The following SGCZ variants were observed in gnomAD, a reference collection of about 807,000 sequenced individuals.
The protein encoded by SGCZ is zeta-sarcoglycan.
SGCZ carries 40 observed loss-of-function variants against 41.3 expected under a neutral mutation model. The ratio of observed to expected loss-of-function variants is 0.97; its 90% confidence interval spans 0.75 to 1.26. The LOEUF (loss-of-function observed/expected upper bound fraction) is 1.26, where lower values mean the gene tolerates loss of function less well. SGCZ is among the 50% of genes most tolerant of loss of function. The pLI, the probability that SGCZ is intolerant of heterozygous loss-of-function variation, is 0.00. For missense variants in SGCZ, 552 were observed against 369.8 expected, an observed-to-expected ratio of 1.49 and a Z score of -4.04; for synonymous variants, 206 against 137.5, an observed-to-expected ratio of 1.50 and a Z score of -3.49.
intron 1 of SGCZ, among the ~76,000 whole-genome samples, chr8:14,771,484 A>G (rs780562149): frequency 2.6e-5 from 4 of 152,152 alleles, no homozygotes; most frequent in Non-Finnish European, 5.9e-5. Flanking sequence ...TTGAATTACC[A>G]TATCAGTTTT....
At chr8:14,247,510 T>C (rs1388979921) in intron 3 of SGCZ, among the ~76,000 whole-genome samples, 1 of 152,160 alleles carries the variant, frequency 6.6e-6, no homozygotes, top group African/African-American at 2.4e-5. Flanking sequence ...AGGAAACAAA[T>C]GCTTCTAGAC....
chr8:15,221,303 C>T (rs1256732321), intron 1 of SGCZ, among the ~76,000 whole-genome samples: 1 of 152,044 alleles, frequency 6.6e-6, no homozygotes, highest in Non-Finnish European at 1.5e-5. Flanking sequence ...ACTAAACTAA[C>T]ATGGGAGTGG....
rs140180183 is a variant in SGCZ, at chr8:14,550,066, G to A, written c.234+4666C>T. The stretch of plus-strand genomic sequence containing the variant: ...AACCTAGAGAAACTCTTGTACTTGT[G>A]CAAATGTAATGACCAACACCGACAT... On this transcript the variant is annotated intron_variant, in intron 2 of 7. Transcript: ENST00000382080. 5.2e-4 allele frequency among the ~76,000 whole-genome samples: 79 copies of A among 152,022 alleles called. No individual in the cohort carries two copies. In the East Asian group the frequency reaches 0.015, roughly 28 times the overall value.
intron 1 of SGCZ, among the ~76,000 whole-genome samples, chr8:14,717,027 G>A (rs1280984807): frequency 6.6e-6 from 1 of 152,002 alleles, no homozygotes; most frequent in East Asian, 1.9e-4. Flanking sequence ...AAAATCCACT[G>A]AGAAACTACA....
chr8:14,658,733 T>C (rs1435840213), intron 1 of SGCZ, among the ~76,000 whole-genome samples: 1 of 152,156 alleles, frequency 6.6e-6, no homozygotes, highest in Non-Finnish European at 1.5e-5. Context: ...TAATTTCACC[T>C]GTTTGTGTAT....
At chr8:14,745,717 T>G (rs1020921309) in intron 1 of SGCZ, among the ~76,000 whole-genome samples, 1 of 152,170 alleles carries the variant, frequency 6.6e-6, no homozygotes, top group African/African-American at 2.4e-5. Context: ...GTATGAAATT[T>G]AACCGAGCTA....
At chr8:15,061,881 A>G (rs867064748) in intron 1 of SGCZ, among the ~76,000 whole-genome samples, 2 of 152,314 alleles carry the variant, frequency 1.3e-5, no homozygotes, top group East Asian at 3.9e-4. Flanking sequence ...AGCCGTAACA[A>G]TGGAAATTTC....
intron 2 of SGCZ, among the ~76,000 whole-genome samples, chr8:14,470,583 T>A (rs1433260271): frequency 6.6e-6 from 1 of 152,118 alleles, no homozygotes; most frequent in Non-Finnish European, 1.5e-5. Flanking sequence ...AAAAATCATG[T>A]TTAGGAAATG....
chr8:14,709,783 G>A (rs145388066), intron 1 of SGCZ, among the ~76,000 whole-genome samples: 1 of 152,194 alleles, frequency 6.6e-6, no homozygotes, highest in African/African-American at 2.4e-5. Flanking sequence ...AGTATATGGG[G>A]CTATATTTAA....
At chr8:14,871,068 G>A (rs1804131524) in intron 1 of SGCZ, among the ~76,000 whole-genome samples, 1 of 152,056 alleles carries the variant, frequency 6.6e-6, no homozygotes, top group Admixed American at 6.6e-5. Context: ...TTAGGTGGGT[G>A]TGGTGGCGCA....
chr8:14,993,551 T>C (rs1227186464), intron 1 of SGCZ, among the ~76,000 whole-genome samples: 1 of 152,136 alleles, frequency 6.6e-6, no homozygotes, highest in Non-Finnish European at 1.5e-5. Flanking sequence ...ATTCTTGGGC[T>C]GAAAGAGGGA....
chr8:14,726,283 C>G (rs1232528314), intron 1 of SGCZ, among the ~76,000 whole-genome samples: 1 of 125,726 alleles, frequency 8.0e-6, no homozygotes, highest in East Asian at 2.1e-4. Context: ...AAAAATCATA[C>G]GCGTGTGTGT....
chr8:14,558,574 TAGAG>T (rs146179658), intron 1 of SGCZ, among the ~76,000 whole-genome samples: 1,291 of 99,786 alleles, frequency 0.013, 26 homozygotes, highest in African/African-American at 0.048. Context: ...GAATGACTCT[TAGAG>T]AGAGAGAGAG....
At chr8:15,099,954 T>G (rs1265696614) in intron 1 of SGCZ, among the ~76,000 whole-genome samples, 2 of 16,678 alleles carry the variant, frequency 1.2e-4, no homozygotes, top group Non-Finnish European at 6.1e-4. Flanking sequence ...GGAACTTCCC[T>G]GACAAAAAAA....
chr8:14,888,312 C>T (rs1804886138), intron 1 of SGCZ, among the ~76,000 whole-genome samples: 2 of 152,052 alleles, frequency 1.3e-5, no homozygotes, highest in Admixed American at 1.3e-4. Context: ...TATTCTGTTG[C>T]CAACCATGAT....
At chr8:15,182,512 T>G (rs1800207562) in intron 1 of SGCZ, among the ~76,000 whole-genome samples, 1 of 152,204 alleles carries the variant, frequency 6.6e-6, no homozygotes, top group Admixed American at 6.5e-5. Context: ...CAACTTTAAC[T>G]AAATGGTAGG....
intron 2 of SGCZ, among the ~76,000 whole-genome samples, chr8:14,432,657 T>G (rs1383249943): frequency 7.2e-5 from 11 of 152,132 alleles, no homozygotes; most frequent in Non-Finnish European, 4.4e-5. Context: ...CTCACGCCTG[T>G]AATCCCAGCA....
intron 2 of SGCZ, among the ~76,000 whole-genome samples, chr8:14,522,376 T>C (rs375735549): frequency 1.3e-5 from 2 of 152,028 alleles, no homozygotes; most frequent in African/African-American, 4.8e-5. Flanking sequence ...TTGGACAAGA[T>C]ATTTTATTGG....
At position 14,822,070 on chromosome 8, in the gene SGCZ, G is replaced by A. The variant is rs548886634; in HGVS notation, c.40-267144C>T. Among the ~76,000 whole-genome samples, 7 of 120,828 alleles carry A rather than the reference G, an allele frequency of 5.8e-5. No homozygotes were observed. In the South Asian group the frequency reaches 1.7e-3, roughly 29 times the overall value. 79.3% of individuals were successfully genotyped at this position (120,828 alleles called of 152,430 possible). ...GATTTTAAATATAAAAAACCCTAAA[G>A]ATTACACACACACACACACACACAC... On this transcript the variant is annotated intron_variant, in intron 1 of 7. Transcript: ENST00000382080.
Sources: gnomAD v4.1 joint callset for allele counts (sites outside exome capture counted in the v4.1 genomes callset) on GRCh38, gnomAD v4.1.1 for gene constraint, MANE v1.5 for transcripts, NCBI Gene and HGNC (gene_info 2026-07-23, HGNC 2026-07-21) for gene names.